The following KCNT2 variants were observed in gnomAD, a reference collection of about 807,000 sequenced individuals.
The protein encoded by KCNT2 is potassium sodium-activated channel subfamily T member 2.
Under a neutral mutation model 153.8 loss-of-function variants are expected in KCNT2, and 67 were observed. The observed-to-expected ratio is 0.44, with a 90% CI of 0.36 to 0.53. The LOEUF is 0.53. Ranked by LOEUF, KCNT2 falls within the 20% of genes least tolerant of loss-of-function variation. KCNT2 has a pLI of 0.00. For missense variants in KCNT2, 975 were observed against 1,354.8 expected (o/e 0.72, Z 4.40); for synonymous variants, 500 against 458.8 (o/e 1.09, Z -1.15).
At chr1:196,574,126 T>C (rs917956180) in intron 1 of KCNT2, among the ~76,000 whole-genome samples, 3 of 152,008 alleles carry the variant, frequency 2.0e-5, no homozygotes, top group African/African-American at 4.8e-5. Context: ...CAATTATTAA[T>C]AATATTATTT....
chr1:196,526,681 C>A (rs1038079833), intron 1 of KCNT2, among the ~76,000 whole-genome samples: 1 of 151,966 alleles, frequency 6.6e-6, no homozygotes, highest in Admixed American at 6.6e-5. Flanking sequence ...TCAATCTCCT[C>A]ACCTCGTGAT....
At chr1:196,378,041 C>T (rs554817651) in intron 13 of KCNT2, among the ~76,000 whole-genome samples, 1 of 152,116 alleles carries the variant, frequency 6.6e-6, no homozygotes, top group South Asian at 2.1e-4. Flanking sequence ...ATAGAGAGGC[C>T]TAGAAGAAAT....
intron 1 of KCNT2, among the ~76,000 whole-genome samples, chr1:196,519,967 G>A (rs1011925928): frequency 3.3e-5 from 5 of 151,930 alleles, no homozygotes; most frequent in Admixed American, 3.3e-4. Context: ...TCATAGAAAC[G>A]ATACTAAAAC....
At chr1:196,578,570 A>G (rs1204518737) in intron 1 of KCNT2, among the ~76,000 whole-genome samples, 2 of 152,164 alleles carry the variant, frequency 1.3e-5, no homozygotes, top group Non-Finnish European at 2.9e-5. Flanking sequence ...CTTATGTTAA[A>G]GTCTACCTAC....
intron 1 of KCNT2, among the ~76,000 whole-genome samples, chr1:196,605,638 T>C (rs936397166): frequency 7.2e-5 from 11 of 152,178 alleles, no homozygotes; most frequent in Admixed American, 6.5e-5. Context: ...GAGGGCTTCC[T>C]CCTCAACTCT....
intron 1 of KCNT2, among the ~76,000 whole-genome samples, chr1:196,503,667 G>A (rs554981759): frequency 1.3e-5 from 2 of 152,266 alleles, no homozygotes; most frequent in East Asian, 3.9e-4. Context: ...TTTGTGGAGA[G>A]GGAACCAATA....
intron 17 of KCNT2, among the ~76,000 whole-genome samples, chr1:196,332,207 T>C (rs1664533648): frequency 6.6e-6 from 1 of 152,166 alleles, no homozygotes; most frequent in Non-Finnish European, 1.5e-5. Flanking sequence ...GGGTAAAATT[T>C]TGTAAATTTA....
In KCNT2 at chr1:196,331,142, C is replaced by A. The variant is rs202085788; in HGVS notation, c.2103+14G>T. 5.8e-6 allele frequency: 8 copies of A among 1,379,130 alleles called. No individual in the cohort carries two copies. The highest frequency in any genetic ancestry group is 8.2e-6 in the Non-Finnish European group (8 of 972,504). 85.4% of individuals were successfully genotyped at this position (1,379,130 alleles called of 1,614,324 possible). On this transcript the variant is annotated intron_variant, in intron 18 of 27. Transcript: ENST00000294725. ...TTTTATTTTGTAAACAAAAAAGCAT[C>A]AACAAGTACTTACCTTGTCTAATCT...
intron 22 of KCNT2, among the ~76,000 whole-genome samples, chr1:196,293,591 T>C (rs1660396555): frequency 6.6e-6 from 1 of 152,192 alleles, no homozygotes; most frequent in Admixed American, 6.5e-5. Flanking sequence ...CTGGGAAAAC[T>C]GGATATCTGC....
At chr1:196,512,382 T>A (rs1424411821) in intron 1 of KCNT2, among the ~76,000 whole-genome samples, 1 of 152,134 alleles carries the variant, frequency 6.6e-6, no homozygotes, top group Non-Finnish European at 1.5e-5. Flanking sequence ...AATTAAGCTG[T>A]CTACTCAATA....
chr1:196,453,416 A>G (rs752845057), intron 8 of KCNT2, among the ~76,000 whole-genome samples: 7 of 151,926 alleles, frequency 4.6e-5, no homozygotes, highest in Non-Finnish European at 1.0e-4. Flanking sequence ...TGACAACTTC[A>G]TCATTTTACT....
At chr1:196,295,266 G>T (rs1660574087) in intron 22 of KCNT2, among the ~76,000 whole-genome samples, 1 of 151,784 alleles carries the variant, frequency 6.6e-6, no homozygotes, top group African/African-American at 2.4e-5. Context: ...ATAATTTGGA[G>T]AAGTTAAAAC....
intron 25 of KCNT2, among the ~76,000 whole-genome samples, chr1:196,272,590 A>G (rs1266848396): frequency 6.6e-6 from 1 of 151,936 alleles, no homozygotes; most frequent in Non-Finnish European, 1.5e-5. Flanking sequence ...TAGAACAGAT[A>G]GAGCTACAAA....
chr1:196,507,420 G>A (rs967458743), intron 1 of KCNT2, among the ~76,000 whole-genome samples: 10 of 152,102 alleles, frequency 6.6e-5, no homozygotes, highest in African/African-American at 2.4e-4. Context: ...ATAGAGTTTT[G>A]TCTAATAGGC....
intron 1 of KCNT2, among the ~76,000 whole-genome samples, chr1:196,515,550 C>G (rs1440059097): frequency 6.6e-6 from 1 of 152,072 alleles, no homozygotes; most frequent in Non-Finnish European, 1.5e-5. Context: ...TGTAGAAGAA[C>G]TTTGTGAAAA....
At position 196,326,835 on chromosome 1, in the gene KCNT2, G is replaced by C; in HGVS notation, c.2158C>G (p.Leu720Val). 1 of 1,587,556 alleles carries C rather than the reference G, an allele frequency of 6.3e-7. No homozygotes were observed. ...DAKAYGFKNK[L>V]IIVAAETAGN... ...GCTGTTTCAGCTGCAACTATAATTA[G>C]TTTATTTTTGAATCCATAGGCTTTT... is the stretch of plus-strand genomic sequence containing the variant. Residue 720 changes from leucine to valine, a missense_variant, in exon 19 of 28, where the codon CTA becomes GTA. Leu to Val is a conservative substitution (Grantham distance 32). Around this residue, in one of 6 missense-constraint regions of KCNT2, gnomAD observed 325 missense variants for 388.1 expected, o/e 0.84. Coordinates refer to ENST00000294725, the MANE Select transcript of KCNT2 (RefSeq NM_198503.5).
intron 2 of KCNT2, among the ~76,000 whole-genome samples, chr1:196,490,314 G>A (rs536339681): frequency 8.4e-4 from 128 of 151,498 alleles, no homozygotes; most frequent in African/African-American, 2.9e-3. Flanking sequence ...AAATCTAGCT[G>A]CTTACAAATT....
intron 12 of KCNT2, among the ~76,000 whole-genome samples, chr1:196,400,122 A>C (rs906095963): frequency 2.6e-5 from 4 of 151,792 alleles, no homozygotes; most frequent in African/African-American, 9.7e-5. Flanking sequence ...CAAATATCAG[A>C]ATGAGCCCAA....
chr1:196,607,067 C>T (rs1665397783), intron 1 of KCNT2, among the ~76,000 whole-genome samples: 2 of 152,192 alleles, frequency 1.3e-5, no homozygotes, highest in South Asian at 2.1e-4. Context: ...AAACAAGATG[C>T]CCATAATTGA....
Sources: gnomAD v4.1 joint callset for allele counts (sites outside exome capture counted in the v4.1 genomes callset) on GRCh38, gnomAD v4.1.1 for gene constraint, gnomAD v4.1.1 regional missense constraint, MANE v1.5 for transcripts, NCBI Gene and HGNC (gene_info 2026-07-23, HGNC 2026-07-21) for gene names.